WASHC4: variants seen among roughly 807,000 people sequenced by gnomAD.
WASHC4 encodes WASH complex subunit 4.
WASHC4 carries 86 observed loss-of-function variants against 166.6 expected under a neutral mutation model. That is an observed-to-expected ratio of 0.52 (90% CI 0.43 to 0.62). The LOEUF (loss-of-function observed/expected upper bound fraction) is 0.62. Among genes scored for constraint, WASHC4 ranks in the 20% least tolerant of loss-of-function variants. The pLI is 0.00. For synonymous variants in WASHC4, 446 were observed against 451.6 expected (o/e 0.99, Z 0.16); for missense variants, 1,262 against 1,382.4 (o/e 0.91, Z 1.38).
intron 25 of WASHC4, among the ~76,000 whole-genome samples, chr12:105,151,462 T>G (rs1883768918): frequency 6.6e-6 from 1 of 152,182 alleles, no homozygotes; most frequent in Non-Finnish European, 1.5e-5. Flanking sequence ...CAGATTACAT[T>G]TATCAGTAGA....
chr12:105,107,735 G>A lies in WASHC4; in HGVS notation c.-66G>A, dbSNP rs1466127541. ...CCGGAAGTCACGTGCTGTGACAGTA[G>A]CTGGGGTGAGGCCGTCGTCGCCGCA... On this transcript the variant is annotated 5_prime_UTR_variant, in exon 1 of 33. Coordinates refer to ENST00000332180, the MANE Select transcript of WASHC4 (RefSeq NM_015275.3). The A allele has an allele frequency of 8.3e-7, 1 of 1,209,896 alleles. No individual in the cohort carries two copies. Among genetic ancestry groups the A allele is most frequent in the Non-Finnish European group, 1.2e-6 (1 of 843,156 alleles). 74.9% of individuals were successfully genotyped at this position (1,209,896 alleles called of 1,614,324 possible).
At chr12:105,114,076 G>T in intron 2 of WASHC4, 140 bp from the exon 3 acceptor site, 4 of 665,100 alleles carry the variant, frequency 6.0e-6, no homozygotes, top group East Asian at 2.9e-5. Flanking sequence ...TGTTTTGGAT[G>T]AAGTAGTTGA....
chr12:105,149,295 C>T, intron 24 of WASHC4: 1 of 985,390 alleles, frequency 1.0e-6, no homozygotes, highest in Non-Finnish European at 1.2e-6. Context: ...TGGACCATGG[C>T]TTAAAAACTA....
chr12:105,113,452 A>G (rs1226862927), intron 2 of WASHC4, among the ~76,000 whole-genome samples: 1 of 151,968 alleles, frequency 6.6e-6, no homozygotes, highest in Non-Finnish European at 1.5e-5. Context: ...GACAGACTCC[A>G]TCTCCGCAGT....
At chr12:105,139,726 T>C (rs1347144921) in intron 15 of WASHC4, among the ~76,000 whole-genome samples, 1 of 151,916 alleles carries the variant, frequency 6.6e-6, no homozygotes, top group East Asian at 1.9e-4. Context: ...AAATCTTTCA[T>C]TCATTTTGGG....
intron 24 of WASHC4, chr12:105,147,547 T>G (rs2135809516): frequency 2.1e-6 from 2 of 971,262 alleles, no homozygotes; most frequent in Non-Finnish European, 2.5e-6. Context: ...TGGGGCAGGG[T>G]TTGCTAATTA....
intron 4 of WASHC4, among the ~76,000 whole-genome samples, chr12:105,114,916 C>T (rs1157252268): frequency 6.6e-6 from 1 of 151,858 alleles, no homozygotes; most frequent in Non-Finnish European, 1.5e-5. Context: ...CTTTATTTCC[C>T]ATAAACTAAT....
rs1386226737 is a variant in WASHC4 at position 105,121,000 on chromosome 12, C to G, written c.562-101C>G. 3.9e-6 allele frequency: 3 copies of G among 771,178 alleles called. No individual in the cohort carries two copies. The African/African-American group carries it at 5.2e-5, about 13-fold the overall frequency. The allele number at this position is 771,178 out of a possible 1,614,324, so 47.8% of individuals were successfully genotyped here. ...TAAATTGATTTACCCACTACTTTTA[C>G]TAATTCAGTAATCAGCCCAAATGAT... On this transcript the variant is annotated intron_variant, in intron 8 of 32. Coordinates refer to ENST00000332180, the MANE Select transcript of WASHC4 (RefSeq NM_015275.3).
chr12:105,146,107 A>C (rs977965539), intron 22 of WASHC4, among the ~76,000 whole-genome samples: 21 of 152,180 alleles, frequency 1.4e-4, no homozygotes, highest in African/African-American at 4.1e-4. Flanking sequence ...ACTACCTTTT[A>C]GAATCTGGCT....
chr12:105,148,136 A>G, intron 24 of WASHC4: 1 of 985,288 alleles, frequency 1.0e-6, no homozygotes, highest in Non-Finnish European at 1.2e-6. Context: ...AGTTGGGATC[A>G]TTTAAGTATA....
chr12:105,125,022 TC>T (rs1433027243), intron 10 of WASHC4, among the ~76,000 whole-genome samples: 1 of 152,234 alleles, frequency 6.6e-6, no homozygotes, highest in Non-Finnish European at 1.5e-5. Context: ...ACAGAATATT[TC>T]CATCATCACA....
intron 25 of WASHC4, among the ~76,000 whole-genome samples, chr12:105,151,374 T>A (rs910632301): frequency 2.0e-5 from 3 of 152,142 alleles, no homozygotes; most frequent in African/African-American, 7.3e-5. Flanking sequence ...TCCAGTTCTC[T>A]TGTATAATGG....
At chr12:105,151,780 C>G (rs561934147) in intron 25 of WASHC4, among the ~76,000 whole-genome samples, 1 of 152,226 alleles carries the variant, frequency 6.6e-6, no homozygotes, top group African/African-American at 2.4e-5. Flanking sequence ...GTGCCCAGCC[C>G]AGCTCATTTT....
intron 13 of WASHC4, among the ~76,000 whole-genome samples, chr12:105,129,619 A>G (rs1369340242): frequency 1.3e-5 from 2 of 152,218 alleles, no homozygotes; most frequent in African/African-American, 4.8e-5. Context: ...AGGATGTCAG[A>G]AGGTCTGAGA....
intron 9 of WASHC4, 137 bp from the exon 10 acceptor site, chr12:105,121,981 G>A: frequency 1.6e-6 from 1 of 626,066 alleles, no homozygotes; most frequent in Non-Finnish European, 2.7e-6. Flanking sequence ...TATTAGGATT[G>A]TTGTGTTCAA....
At chr12:105,115,351 T>C (rs1880079485) in intron 5 of WASHC4, 122 bp downstream of exon 5, 1 of 772,076 alleles carries the variant, frequency 1.3e-6, no homozygotes. Flanking sequence ...TTCATATTTT[T>C]TGTTGGTATG....
chr12:105,151,454 G>T (rs1483226406), intron 25 of WASHC4, among the ~76,000 whole-genome samples: 2 of 151,806 alleles, frequency 1.3e-5, no homozygotes, highest in Non-Finnish European at 2.9e-5. Flanking sequence ...TAAAATTACA[G>T]ATTACATTTA....
chr12:105,156,668 C>A, intron 26 of WASHC4, 58 bp from the exon 27 acceptor site: 2 of 1,368,690 alleles, frequency 1.5e-6, no homozygotes, highest in Non-Finnish European at 2.1e-6. Flanking sequence ...TAACTATATT[C>A]CTATTAGAAT....
In WASHC4 at chr12:105,111,229, G is replaced by A. The variant is rs1461140916; in HGVS notation, c.166G>A (p.Val56Ile). The change falls in exon 2 of 33, where the codon GTT (valine) becomes ATT (isoleucine). Residue 56 changes from valine to isoleucine, a missense_variant. Coordinates refer to ENST00000332180, the MANE Select transcript of WASHC4 (RefSeq NM_015275.3). ...CGCTCTGGATGACTCAATTGGAGAT[G>A]TTTGGGATTTCAATCTTGATCCTAT... ...EDALDDSIGD[V>I]WDFNLDPIAL... 1 of 1,610,194 alleles carries A rather than the reference G, an allele frequency of 6.2e-7. No individual in the cohort carries two copies. Among genetic ancestry groups the A allele is most frequent in the African/African-American group, 1.3e-5 (1 of 74,936 alleles).
Sources: allele counts gnomAD v4.1 joint callset (sites outside exome capture counted in the v4.1 genomes callset), GRCh38; gene constraint gnomAD v4.1.1; transcripts MANE v1.5; gene names NCBI Gene and HGNC (gene_info 2026-07-23, HGNC 2026-07-21).